The following EPB41L5 variants were observed in gnomAD, a reference collection of about 807,000 sequenced individuals.
EPB41L5 encodes band 4.1-like protein 5.
In EPB41L5, 55 loss-of-function variants were observed where a neutral mutation model predicts 106.6. That is an observed-to-expected ratio of 0.52 (90% CI 0.42 to 0.65). EPB41L5 has a LOEUF of 0.65. Among genes scored for constraint, EPB41L5 ranks in the 30% least tolerant of loss-of-function variants. The pLI is 0.00. For synonymous variants in EPB41L5, 297 were observed against 306.7 expected (o/e 0.97, Z 0.33); for missense variants, 871 against 882.1 (o/e 0.99, Z 0.16).
intron 2 of EPB41L5, among the ~76,000 whole-genome samples, chr2:120,036,713 A>G (rs532948549): frequency 6.6e-6 from 1 of 152,316 alleles, no homozygotes; most frequent in South Asian, 2.1e-4. Context: ...CCAAAGGAAA[A>G]TACTAGGTAT....
At chr2:120,036,543 A>G (rs1240690805) in intron 2 of EPB41L5, among the ~76,000 whole-genome samples, 2 of 152,210 alleles carry the variant, frequency 1.3e-5, no homozygotes, top group East Asian at 1.9e-4. Context: ...CAAGTAAAAG[A>G]TAACAAACTG....
intron 2 of EPB41L5, among the ~76,000 whole-genome samples, chr2:120,020,352 T>C (rs1483940073): frequency 1.3e-5 from 2 of 152,224 alleles, no homozygotes; most frequent in East Asian, 1.9e-4. Flanking sequence ...AAATGGATGT[T>C]CTGATTAACT....
At chr2:120,125,194 TAG>T (rs1685402772) in intron 16 of EPB41L5, among the ~76,000 whole-genome samples, 1 of 152,236 alleles carries the variant, frequency 6.6e-6, no homozygotes, top group Non-Finnish European at 1.5e-5. Flanking sequence ...ATTGTCAGCA[TAG>T]ACTCATGTAT....
intron 20 of EPB41L5, among the ~76,000 whole-genome samples, chr2:120,155,977 C>T (rs192449730): frequency 1.3e-5 from 2 of 152,232 alleles, no homozygotes; most frequent in African/African-American, 2.4e-5. Flanking sequence ...ACGACCACCA[C>T]GGACACTCGA....
chr2:120,175,020 C>G lies in EPB41L5; in HGVS notation c.*113C>G. ...TTATTTGTAGGTAAAAAAAGCTGCACGTAGATTTGACTTCAACTCCGTAAA... is the reference window on the plus strand; with the variant it reads ...TTATTTGTAGGTAAAAAAAGCTGCAGGTAGATTTGACTTCAACTCCGTAAA... On this transcript the variant is annotated 3_prime_UTR_variant, in exon 25 of 25. Coordinates refer to ENST00000263713, the MANE Select transcript of EPB41L5 (RefSeq NM_020909.4). The G allele has an allele frequency of 3.8e-6, 4 of 1,062,058 alleles. No individual in the cohort carries two copies. The highest frequency in any genetic ancestry group is 1.6e-5 in the African/African-American group (1 of 64,084). The allele number at this position is 1,062,058 out of a possible 1,614,324, so 65.8% of individuals were successfully genotyped here.
chr2:120,017,498 T>C (rs1304371138), intron 1 of EPB41L5, among the ~76,000 whole-genome samples: 1 of 152,248 alleles, frequency 6.6e-6, no homozygotes, highest in African/African-American at 2.4e-5. Flanking sequence ...ACTCTCTTTG[T>C]TGTGCAAATG....
chr2:120,105,287 A>G, intron 16 of EPB41L5: 9 of 965,368 alleles, frequency 9.3e-6, no homozygotes, highest in Non-Finnish European at 1.1e-5. Flanking sequence ...TATATTTTAG[A>G]AAAATTTTCA....
chr2:120,156,108 G>A (rs372245849), intron 20 of EPB41L5, among the ~76,000 whole-genome samples: 4 of 152,170 alleles, frequency 2.6e-5, no homozygotes, highest in African/African-American at 9.6e-5. Context: ...TCCCCCTAGG[G>A]TCAACTTGCT....
At chr2:120,018,511 A>T (rs911860230) in intron 1 of EPB41L5, among the ~76,000 whole-genome samples, 1 of 152,206 alleles carries the variant, frequency 6.6e-6, no homozygotes, top group Non-Finnish European at 1.5e-5. Flanking sequence ...CCAGCTTTTT[A>T]AATTAATTAA....
chr2:120,038,809 A>C (rs1293511795), intron 2 of EPB41L5, among the ~76,000 whole-genome samples: 1 of 152,166 alleles, frequency 6.6e-6, no homozygotes, highest in Non-Finnish European at 1.5e-5. Flanking sequence ...ATGACCCAGC[A>C]CTTTCACTCC....
chr2:120,081,649 G>T (rs1449198181), intron 10 of EPB41L5, among the ~76,000 whole-genome samples: 1 of 152,108 alleles, frequency 6.6e-6, no homozygotes, highest in Non-Finnish European at 1.5e-5. Flanking sequence ...TGTGAAGAAA[G>T]TCATTGTTAG....
At chr2:120,086,631 G>A (rs765080740) in intron 10 of EPB41L5, among the ~76,000 whole-genome samples, 4 of 151,824 alleles carry the variant, frequency 2.6e-5, no homozygotes, top group African/African-American at 9.7e-5. Flanking sequence ...GTGTGGTGTG[G>A]GAGTAAGGCT....
chr2:120,163,304 T>C (rs1687222320), intron 21 of EPB41L5, among the ~76,000 whole-genome samples: 1 of 129,706 alleles, frequency 7.7e-6, no homozygotes, highest in Non-Finnish European at 1.6e-5. Context: ...AATGAAGGGC[T>C]CTTTTTTGTT....
Position 120,078,558 on chromosome 2 carries a change from T to G in EPB41L5, c.780T>G (p.Asp260Glu). The change falls in exon 10 of 25, where the codon GAT becomes GAG. Residue 260 changes from aspartate (D) to glutamate (E), a missense_variant. By Grantham distance (45) the Asp-to-Glu change is conservative. Transcript: ENST00000263713. ...TPTGVLVFEGDTKIGLFFWPK... is the reference protein window; with the variant it reads ...TPTGVLVFEGETKIGLFFWPK... ...CAGGAGTCCTTGTTTTTGAAGGAGA[T>G]ACCAAAATTGGCTTATTTTTTTGGT... The G allele has an allele frequency of 6.2e-7, 1 of 1,605,954 alleles. No homozygotes were observed. The highest frequency in any genetic ancestry group is 1.7e-5 in the Admixed American group (1 of 58,856).
At chr2:120,016,462 A>G (rs930776316) in intron 1 of EPB41L5, among the ~76,000 whole-genome samples, 14 of 151,978 alleles carry the variant, frequency 9.2e-5, no homozygotes, top group East Asian at 1.9e-4. Context: ...TATTAATAGC[A>G]TGGTCAAGTC....
chr2:120,098,973 T>G (rs1259239577), intron 14 of EPB41L5, among the ~76,000 whole-genome samples: 1 of 152,222 alleles, frequency 6.6e-6, no homozygotes, highest in Non-Finnish European at 1.5e-5. Flanking sequence ...ATGGGAGGCC[T>G]TTGCCAACCT....
At chr2:120,058,892 C>T (rs1680842066) in intron 3 of EPB41L5, among the ~76,000 whole-genome samples, 1 of 152,150 alleles carries the variant, frequency 6.6e-6, no homozygotes, top group Non-Finnish European at 1.5e-5. Context: ...AATTGATATA[C>T]AGGTTTAATG....
chr2:120,043,604 G>A (rs944453964), intron 3 of EPB41L5, among the ~76,000 whole-genome samples: 5 of 152,022 alleles, frequency 3.3e-5, no homozygotes, highest in Non-Finnish European at 7.4e-5. Context: ...TGGGCGTGGC[G>A]GTGCATGCCT....
intron 14 of EPB41L5, among the ~76,000 whole-genome samples, chr2:120,095,755 G>T (rs543515959): frequency 2.6e-5 from 4 of 151,106 alleles, no homozygotes; most frequent in African/African-American, 9.7e-5. Context: ...TGCAACCTCC[G>T]CCTCCCAGGT....
Sources: allele counts gnomAD v4.1 joint callset (sites outside exome capture counted in the v4.1 genomes callset), GRCh38; gene constraint gnomAD v4.1.1; transcripts MANE v1.5; gene names NCBI Gene and HGNC (gene_info 2026-07-23, HGNC 2026-07-21).